The following ZC3H4 variants were observed in gnomAD, a reference collection of about 807,000 sequenced individuals.
The protein encoded by ZC3H4 is zinc finger CCCH domain-containing protein 4.
A neutral mutation model predicts 108.3 loss-of-function variants in ZC3H4; 13 were observed. The observed-to-expected ratio is 0.12, with a 90% CI of 0.08 to 0.19. ZC3H4 has a LOEUF of 0.19. ZC3H4 is among the 10% of genes least tolerant of loss of function. The pLI is 1.00. For synonymous variants in ZC3H4, 917 were observed against 749.6 expected (o/e 1.22, Z -3.65); for missense variants, 1,734 against 1,838.8 (o/e 0.94, Z 1.04).
intron 2 of ZC3H4, 162 bp downstream of exon 2, chr19:47,112,262 G>A (rs372794675): frequency 4.4e-6 from 5 of 1,138,230 alleles, no homozygotes; most frequent in Non-Finnish European, 5.5e-6. Context: ...GAGAAAGAGC[G>A]AGCGAGCAAG....
chr19:47,096,660 C>T, intron 2 of ZC3H4: 1 of 332,094 alleles, frequency 3.0e-6, no homozygotes, highest in Non-Finnish European at 4.3e-6. Context: ...TGGAGGTATA[C>T]ATGCTGGGGT....
Position 47,091,959 on chromosome 19 carries a change from C to T in ZC3H4, c.493-1770G>A, listed in dbSNP as rs181400006. 8.6e-5 allele frequency among the ~76,000 whole-genome samples: 13 copies of T among 151,968 alleles called. No individual in the cohort carries two copies. The East Asian group carries it at 1.9e-3, about 23-fold the overall frequency. ...CATGGTGGCTCATGTCTGCAATCCC[C>T]GCACTTTGGGAGGCCGAGGTGGGCA... On this transcript the variant is annotated intron_variant, in intron 4 of 14. Transcript: ENST00000253048.
chr19:47,109,539 T>G (rs1361528856), intron 2 of ZC3H4, among the ~76,000 whole-genome samples: 1 of 152,212 alleles, frequency 6.6e-6, no homozygotes, highest in Non-Finnish European at 1.5e-5. Flanking sequence ...GCTGACCCAG[T>G]GCCCTGGATA....
intron 2 of ZC3H4, 32 bp downstream of exon 2, chr19:47,112,392 G>A (rs925366588): frequency 2.8e-5 from 34 of 1,232,264 alleles, no homozygotes; most frequent in Non-Finnish European, 3.2e-5. Context: ...CTCCCCCCGG[G>A]GACGCAGCCC....
chr19:47,069,417 A>G, intron 13 of ZC3H4, 74 bp from the exon 14 acceptor site: 1 of 1,531,490 alleles, frequency 6.5e-7, no homozygotes, highest in Non-Finnish European at 8.8e-7. Flanking sequence ...CCTGCCCCTC[A>G]CTGCAAACCC....
At chr19:47,100,654 A>C (rs2057891859) in intron 2 of ZC3H4, among the ~76,000 whole-genome samples, 1 of 151,728 alleles carries the variant, frequency 6.6e-6, no homozygotes, top group Non-Finnish European at 1.5e-5. Flanking sequence ...ATTAATTGTT[A>C]ATCTTGTTAG....
At chr19:47,107,713 C>T (rs1441616412) in intron 2 of ZC3H4, among the ~76,000 whole-genome samples, 1 of 151,746 alleles carries the variant, frequency 6.6e-6, no homozygotes, top group Non-Finnish European at 1.5e-5. Flanking sequence ...AACCAAGAGG[C>T]CGTATCTTCA....
intron 11 of ZC3H4, among the ~76,000 whole-genome samples, chr19:47,079,033 A>ATTT (rs1169182902): frequency 7.4e-6 from 1 of 135,138 alleles, no homozygotes; most frequent in African/African-American, 2.7e-5. Flanking sequence ...TTTCATTTCC[A>ATTT]TTTTTTTTTT....
At chr19:47,089,248 C>T (rs1315250701) in intron 5 of ZC3H4, among the ~76,000 whole-genome samples, 1 of 146,520 alleles carries the variant, frequency 6.8e-6, no homozygotes, top group African/African-American at 2.5e-5. Context: ...TGAACAGCTA[C>T]TCAACAAGCT....
intron 2 of ZC3H4, among the ~76,000 whole-genome samples, chr19:47,108,368 A>C (rs2123106663): frequency 6.6e-6 from 1 of 152,162 alleles, no homozygotes; most frequent in East Asian, 1.9e-4. Context: ...AGCAATTTTC[A>C]CCAGAGGTAT....
At chr19:47,081,477 C>A (rs750600515) in intron 11 of ZC3H4, 36 bp downstream of exon 11, 7 of 1,549,560 alleles carry the variant, frequency 4.5e-6, no homozygotes, top group Non-Finnish European at 6.2e-6. Context: ...TGTCCCAGTT[C>A]CTGTAGCCGG....
chr19:47,100,399 T>C (rs945221897), intron 2 of ZC3H4, among the ~76,000 whole-genome samples: 4 of 152,172 alleles, frequency 2.6e-5, no homozygotes, highest in African/African-American at 9.7e-5. Flanking sequence ...GGTGTCATCA[T>C]AGCCTGCTCT....
chr19:47,071,460 T>C (rs1360475369), intron 13 of ZC3H4, among the ~76,000 whole-genome samples: 1 of 152,114 alleles, frequency 6.6e-6, no homozygotes, highest in East Asian at 1.9e-4. Context: ...GGCCACTAAC[T>C]GAGTCCTGAT....
chr19:47,088,327 C>G, intron 5 of ZC3H4, among the ~76,000 whole-genome samples: 1 of 151,960 alleles, frequency 6.6e-6, no homozygotes, highest in East Asian at 1.9e-4. Context: ...GTAGGCGGAT[C>G]ACGAGGTCGA....
chr19:47,097,552 A>G (rs1015368845), intron 2 of ZC3H4, among the ~76,000 whole-genome samples: 1 of 152,212 alleles, frequency 6.6e-6, no homozygotes, highest in Non-Finnish European at 1.5e-5. Flanking sequence ...GACTCTGTTC[A>G]ACAGAAAGCA....
chr19:47,099,452 T>G (rs1600100411), intron 2 of ZC3H4, among the ~76,000 whole-genome samples: 1 of 144,654 alleles, frequency 6.9e-6, no homozygotes, highest in Non-Finnish European at 1.5e-5. Flanking sequence ...AGAGTGAAAC[T>G]CCGTCTCAAA....
rs188321022 is a variant in ZC3H4, at chr19:47,085,623, A to T, written c.871-209T>A. Among the ~76,000 whole-genome samples the T allele has an allele frequency of 2.6e-3, 392 of 152,280 alleles. 2 individuals are homozygous for T. The highest frequency in any genetic ancestry group is 2.8e-3 in the Non-Finnish European group (191 of 68,026). On this transcript the variant is annotated intron_variant, in intron 6 of 14. Transcript: ENST00000253048. ...ACCTGACCCAATAGGCAAACCCAGCATGGAGCCTCCCTACGTACACATCAC... is the reference window on the plus strand; with the variant it reads ...ACCTGACCCAATAGGCAAACCCAGCTTGGAGCCTCCCTACGTACACATCAC...
chr19:47,079,033 ATTT>A (rs1169182902), intron 11 of ZC3H4, among the ~76,000 whole-genome samples: 2 of 135,136 alleles, frequency 1.5e-5, no homozygotes, highest in African/African-American at 2.7e-5. Flanking sequence ...TTTCATTTCC[ATTT>A]TTTTTTTTTT....
In ZC3H4 at chr19:47,113,749, G is replaced by A. The variant is rs548720265; in HGVS notation, c.-35C>T. 1 of 152,418 alleles carries A rather than the reference G, an allele frequency of 6.6e-6. No individual in the cohort carries two copies. Among genetic ancestry groups the A allele is most frequent in the Non-Finnish European group, 1.5e-5 (1 of 68,050 alleles). 9.4% of individuals were successfully genotyped at this position (152,418 alleles called of 1,614,324 possible). A position where few individuals can be genotyped will look rare whatever the true frequency, so the allele number is the denominator to read the frequency against. Reference sequence around the variant, plus strand: ...AGCTGGAGGCCAGGTGCCGAGAGTCGGAGGTTTCCGGAGAAGCGATGAAGC... The same window carrying A: ...AGCTGGAGGCCAGGTGCCGAGAGTCAGAGGTTTCCGGAGAAGCGATGAAGC... On this transcript the variant is annotated 5_prime_UTR_variant, in exon 1 of 15. Transcript: ENST00000253048.
Sources: gnomAD v4.1 joint callset for allele counts (sites outside exome capture counted in the v4.1 genomes callset) on GRCh38, gnomAD v4.1.1 for gene constraint, MANE v1.5 for transcripts, NCBI Gene and HGNC (gene_info 2026-07-23, HGNC 2026-07-21) for gene names.